NRXN3: variants seen among roughly 807,000 people sequenced by gnomAD.
NRXN3 encodes neurexin III.
NRXN3 carries 32 observed loss-of-function variants against 137.6 expected under a neutral mutation model. The ratio of observed to expected loss-of-function variants is 0.23; its 90% CI spans 0.18 to 0.31. NRXN3 has a LOEUF of 0.31. Ranked by LOEUF, NRXN3 falls within the 10% of genes least tolerant of loss-of-function variation. The pLI is 1.00. For synonymous variants in NRXN3, 798 were observed against 784.5 expected, an observed-to-expected ratio of 1.02 and a Z score of -0.29; for missense variants, 1,574 against 2,062.5, an observed-to-expected ratio of 0.76 and a Z score of 4.59.
intron 4 of NRXN3, among the ~76,000 whole-genome samples, chr14:78,380,886 G>A (rs2088956891): frequency 6.6e-6 from 1 of 151,612 alleles, no homozygotes; most frequent in African/African-American, 2.4e-5. Context: ...TGCCATGGGA[G>A]AAATGAGACT....
chr14:78,676,684 A>T (rs1167402042), intron 6 of NRXN3, among the ~76,000 whole-genome samples: 3 of 152,194 alleles, frequency 2.0e-5, no homozygotes, highest in Admixed American at 2.0e-4. Context: ...CAATGTAGAT[A>T]AAAAGCCTTC....
rs965920523 is a variant in NRXN3 at position 78,903,147 on chromosome 14, C to CTTTTTTTTTT, written c.2276-54087_2276-54078dup. Reference sequence around the variant, plus strand: ...GAAATAAACAATGAAGTTTCATCTTCTTTTTTTTTTTTTTTTTCTGAGACA... The same window carrying CTTTTTTTTTT: ...GAAATAAACAATGAAGTTTCATCTTCTTTTTTTTTTTTTTTTTTTTTTTTTTTCTGAGACA... On this transcript the variant is annotated intron_variant, in intron 10 of 20. Coordinates refer to ENST00000335750, the MANE Select transcript of NRXN3 (RefSeq NM_001330195.2). Among the ~76,000 whole-genome samples the CTTTTTTTTTT allele has an allele frequency of 3.8e-4, 46 of 121,474 alleles. No homozygotes were observed. In the East Asian group the frequency reaches 4.4e-3, roughly 12 times the overall value. 79.7% of individuals were successfully genotyped at this position (121,474 alleles called of 152,430 possible). A position where few individuals can be genotyped will look rare whatever the true frequency, so the allele number is the denominator to read the frequency against.
intron 3 of NRXN3, 26 bp downstream of exon 3, chr14:78,278,688 C>T (rs946160725): frequency 6.5e-7 from 1 of 1,531,960 alleles, no homozygotes; most frequent in African/African-American, 1.4e-5. Context: ...TGCACAGCTG[C>T]TGTGGGAATT....
chr14:79,545,474 A>T (rs899510246), intron 16 of NRXN3, among the ~76,000 whole-genome samples: 1 of 152,026 alleles, frequency 6.6e-6, no homozygotes, highest in African/African-American at 2.4e-5. Flanking sequence ...ACCTTTAAGT[A>T]TCCTGTGATT....
chr14:79,266,094 G>A (rs573841910), intron 15 of NRXN3, among the ~76,000 whole-genome samples: 7 of 152,192 alleles, frequency 4.6e-5, no homozygotes, highest in Admixed American at 3.9e-4. Flanking sequence ...AAAGGCACCT[G>A]GGAATCTATA....
intron 19 of NRXN3, among the ~76,000 whole-genome samples, chr14:79,773,828 T>TAAAAAAAAAAAA (rs2099087902): frequency 7.4e-6 from 1 of 136,008 alleles, no homozygotes. Flanking sequence ...AAAATAAAAA[T>TAAAAAAAAAAAA]ACAAAAAAAA....
rs576978572 is a variant in NRXN3 at position 79,387,341 on chromosome 14, A to C, written c.3263-79880A>C. ...AGAAGACATTTATGCAGCCAAAAGA[A>C]ACATGAAAAAATGCTCATCATCACT... On this transcript the variant is annotated intron_variant, in intron 15 of 20. Coordinates refer to ENST00000335750, the MANE Select transcript of NRXN3 (RefSeq NM_001330195.2). 6.6e-3 allele frequency among the ~76,000 whole-genome samples: 985 copies of C among 149,494 alleles called. 14 individuals are homozygous for C. The highest frequency in any genetic ancestry group is 0.024 in the African/African-American group (955 of 40,470).
At chr14:78,545,005 C>A (rs1033569982) in intron 4 of NRXN3, among the ~76,000 whole-genome samples, 1 of 152,168 alleles carries the variant, frequency 6.6e-6, no homozygotes, top group Non-Finnish European at 1.5e-5. Context: ...TGCAGCAGAG[C>A]CTGATTAGCT....
intron 1 of NRXN3, among the ~76,000 whole-genome samples, chr14:78,209,317 T>G (rs1016703853): frequency 6.6e-6 from 1 of 152,038 alleles, no homozygotes; most frequent in African/African-American, 2.4e-5. Context: ...GGGTGGAGGA[T>G]TGCGGAGCAG....
At chr14:79,603,091 A>G (rs1486330616) in intron 16 of NRXN3, among the ~76,000 whole-genome samples, 1 of 152,206 alleles carries the variant, frequency 6.6e-6, no homozygotes, top group African/African-American at 2.4e-5. Context: ...CATTTCTTAC[A>G]GGAACTTTTA....
intron 1 of NRXN3, among the ~76,000 whole-genome samples, chr14:78,200,306 G>A (rs1365079175): frequency 2.0e-5 from 3 of 152,178 alleles, no homozygotes; most frequent in Non-Finnish European, 4.4e-5. Flanking sequence ...TATGGTTGCC[G>A]ATGCGGAAGG....
intron 15 of NRXN3, among the ~76,000 whole-genome samples, chr14:79,210,871 A>T (rs1482184729): frequency 1.3e-5 from 2 of 152,120 alleles, no homozygotes; most frequent in African/African-American, 4.8e-5. Flanking sequence ...TGGGCTGGTA[A>T]TCCCTATAAA....
chr14:79,639,118 G>C (rs574277399), intron 16 of NRXN3, among the ~76,000 whole-genome samples: 5 of 151,896 alleles, frequency 3.3e-5, no homozygotes, highest in Non-Finnish European at 7.4e-5. Context: ...AGATATGTGT[G>C]CACACATCCA....
At chr14:79,565,867 T>G (rs2153788815) in intron 16 of NRXN3, among the ~76,000 whole-genome samples, 2 of 152,266 alleles carry the variant, frequency 1.3e-5, no homozygotes, top group Middle Eastern at 6.8e-3. Flanking sequence ...GTGAATTACT[T>G]GCTAAATACA....
At chr14:79,627,086 A>C (rs2098290292) in intron 16 of NRXN3, among the ~76,000 whole-genome samples, 1 of 152,138 alleles carries the variant, frequency 6.6e-6, no homozygotes, top group Non-Finnish European at 1.5e-5. Context: ...TCCCTTGGTA[A>C]CTCTAAGTGT....
At position 79,043,879 on chromosome 14, in the gene NRXN3, T is replaced by C. The variant is rs140742685; in HGVS notation, c.3262+55738T>C. 3.7e-3 allele frequency among the ~76,000 whole-genome samples: 567 copies of C among 152,256 alleles called. 2 individuals are homozygous for C. Among genetic ancestry groups the C allele is most frequent in the African/African-American group, 0.013 (543 of 41,554 alleles). On this transcript the variant is annotated intron_variant, in intron 15 of 20. Coordinates refer to ENST00000335750, the MANE Select transcript of NRXN3 (RefSeq NM_001330195.2). ...CTGAATATAGTGTGGCTACCTCAGA[T>C]CAGGATTCTCAAGCTTGGCAGTTTT...
chr14:79,353,866 A>G (rs1461946361), intron 15 of NRXN3, among the ~76,000 whole-genome samples: 1 of 152,036 alleles, frequency 6.6e-6, no homozygotes, highest in Non-Finnish European at 1.5e-5. Context: ...AGAATCTTCT[A>G]TTACTCATGT....
intron 10 of NRXN3, among the ~76,000 whole-genome samples, chr14:78,889,868 G>A (rs1432619609): frequency 6.6e-6 from 1 of 152,004 alleles, no homozygotes; most frequent in Non-Finnish European, 1.5e-5. Flanking sequence ...ATAATCTTGT[G>A]ATGAGATCAT....
At chr14:78,499,102 G>A (rs917282969) in intron 4 of NRXN3, among the ~76,000 whole-genome samples, 27 of 152,024 alleles carry the variant, frequency 1.8e-4, no homozygotes, top group African/African-American at 6.3e-4. Flanking sequence ...CTCATAATAA[G>A]CATTCAGTAA....
Sources: allele counts gnomAD v4.1 joint callset (sites outside exome capture counted in the v4.1 genomes callset), GRCh38; gene constraint gnomAD v4.1.1; transcripts MANE v1.5; gene names NCBI Gene and HGNC (gene_info 2026-07-23, HGNC 2026-07-21).